Variants in LNX1 observed in about 807,000 individuals in gnomAD.
LNX1 encodes the protein ligand of numb-protein X 1, also known as E3 ubiquitin-protein ligase LNX.
A neutral mutation model predicts 68.4 loss-of-function variants in LNX1; 54 were observed. That is an observed-to-expected ratio of 0.79 (90% CI 0.63 to 0.99). LNX1 has a LOEUF of 0.99. Among genes scored for constraint, LNX1 ranks in the 50% least tolerant of loss-of-function variants. The pLI is 0.00. For missense variants in LNX1, 906 were observed against 926.4 expected, an observed-to-expected ratio of 0.98 and a Z score of 0.29; for synonymous variants, 336 against 350.0, an observed-to-expected ratio of 0.96 and a Z score of 0.45.
At chr4:53,651,491 C>A (rs1260996963) in intron 1 of LNX1, among the ~76,000 whole-genome samples, 1 of 152,232 alleles carries the variant, frequency 6.6e-6, no homozygotes, top group African/African-American at 2.4e-5. Context: ...CTATCTATTT[C>A]TGGATTTTCC....
At chr4:53,465,003 CA>C in intron 9 of LNX1, among the ~76,000 whole-genome samples, 1 of 152,158 alleles carries the variant, frequency 6.6e-6, no homozygotes, top group South Asian at 2.1e-4. Context: ...TGTGCAATAT[CA>C]AATTTATCAC....
chr4:53,466,917 G>A (rs1194969726), intron 9 of LNX1, among the ~76,000 whole-genome samples: 2 of 152,210 alleles, frequency 1.3e-5, no homozygotes, highest in African/African-American at 4.8e-5. Flanking sequence ...ATCTCTGGGG[G>A]CAGGGCACAG....
At position 53,581,697 on chromosome 4, in the gene LNX1, G is replaced by A. The variant is rs372666873; in HGVS notation, c.-86-7609C>T. ...CGCAAGAATAGCATGGGAAAAACCC[G>A]CCCCCATGATTCAATTACCTCCCCT... On this transcript the variant is annotated intron_variant, in intron 1 of 10. Transcript: ENST00000263925. Among the ~76,000 whole-genome samples the A allele has an allele frequency of 2.1e-3, 322 of 152,140 alleles. 8 individuals carry two copies. The South Asian group carries it at 0.063, about 30-fold the overall frequency.
intron 1 of LNX1, among the ~76,000 whole-genome samples, chr4:53,635,374 G>A (rs1043423384): frequency 1.3e-5 from 2 of 152,038 alleles, no homozygotes; most frequent in African/African-American, 2.4e-5. Flanking sequence ...TTTGAATTAG[G>A]GTTGTCTCAC....
chr4:53,478,641 T>A lies in LNX1; in HGVS notation c.1587A>T (p.Arg529Ser). ...GMTVAGGASH[R>S]EWDLPIYVIS... ...TGACATAGATAGGCAAATCCCATTC[T>A]CTATGTGATGCTCCCCCTGCGACGG... is the stretch of plus-strand genomic sequence containing the variant. The change falls in exon 8 of 11, where the codon AGA becomes AGT. Residue 529 changes from arginine (R) to serine (S), a missense_variant. Arg to Ser is a moderately radical substitution (Grantham distance 110). Coordinates refer to ENST00000263925, the MANE Select transcript of LNX1 (RefSeq NM_001126328.3). 6.2e-7 allele frequency: 1 copy of A among 1,614,144 alleles called. No individual in the cohort carries two copies. Among genetic ancestry groups the A allele is most frequent in the Non-Finnish European group, 8.5e-7 (1 of 1,180,000 alleles).
upstream of LNX1, among the ~76,000 whole-genome samples, chr4:53,620,168 A>G (rs1331298022): frequency 2.0e-5 from 3 of 152,150 alleles, no homozygotes; most frequent in Admixed American, 2.0e-4. Flanking sequence ...TGGGTGTTTT[A>G]TCTATCTGTC....
At chr4:53,474,039 A>G (rs922636486) in intron 9 of LNX1, among the ~76,000 whole-genome samples, 5 of 152,220 alleles carry the variant, frequency 3.3e-5, no homozygotes, top group African/African-American at 1.2e-4. Flanking sequence ...AATGCTACTT[A>G]GCAGTGATGC....
chr4:53,477,133 CAA>C, intron 8 of LNX1, 152 bp from the exon 9 acceptor site: 1 of 711,880 alleles, frequency 1.4e-6, no homozygotes, highest in South Asian at 1.5e-5. Context: ...GCTCACATAG[CAA>C]ATGGTAAACA....
chr4:53,548,338 C>T (rs1461674723), intron 2 of LNX1, among the ~76,000 whole-genome samples: 1 of 152,082 alleles, frequency 6.6e-6, no homozygotes, highest in African/African-American at 2.4e-5. Context: ...TCATAGAACT[C>T]TTAGGTATAT....
intron 2 of LNX1, among the ~76,000 whole-genome samples, chr4:53,555,015 C>G (rs1316380216): frequency 6.6e-6 from 1 of 151,918 alleles, no homozygotes; most frequent in African/African-American, 2.4e-5. Context: ...AAAGGAAAAT[C>G]CAGGAGGGTC....
At chr4:53,467,670 C>T (rs1396631425) in intron 9 of LNX1, among the ~76,000 whole-genome samples, 31 of 152,284 alleles carry the variant, frequency 2.0e-4, no homozygotes, top group Non-Finnish European at 3.1e-4. Context: ...CTGAAAACCA[C>T]GGCACGAGAA....
At chr4:53,649,098 A>G (rs1309648083) in intron 1 of LNX1, among the ~76,000 whole-genome samples, 1 of 152,210 alleles carries the variant, frequency 6.6e-6, no homozygotes, top group Non-Finnish European at 1.5e-5. Flanking sequence ...TGAATCCAAA[A>G]GGTTCTGATT....
chr4:53,583,972 A>AACAACAACG (rs1553941104), intron 1 of LNX1, among the ~76,000 whole-genome samples: 7 of 144,632 alleles, frequency 4.8e-5, no homozygotes, highest in Admixed American at 1.4e-4. Flanking sequence ...CAACAACAAC[A>AACAACAACG]ACGACAAATG....
chr4:53,551,608 G>GACAGCCCACTCCAAGGGAAGA (rs1729524723), intron 2 of LNX1, among the ~76,000 whole-genome samples: 1 of 152,156 alleles, frequency 6.6e-6, no homozygotes, highest in Admixed American at 6.5e-5. Context: ...TGTGGATGCG[G>GACAGCCCACTCCAAGGGAAGA]ACAGCCCACT....
chr4:53,543,112 C>T (rs1728874372), intron 2 of LNX1, among the ~76,000 whole-genome samples: 1 of 152,202 alleles, frequency 6.6e-6, no homozygotes, highest in Admixed American at 6.5e-5. Context: ...TCTCCTGCCT[C>T]AGCCTCCCGA....
chr4:53,643,137 C>G (rs938071705), intron 1 of LNX1, among the ~76,000 whole-genome samples: 12 of 152,068 alleles, frequency 7.9e-5, no homozygotes, highest in Admixed American at 4.6e-4. Context: ...ATTGTTGAGT[C>G]AAGAAATCTT....
chr4:53,614,894 A>C (rs1295413096), intron 2 of LNX1, among the ~76,000 whole-genome samples: 1 of 152,188 alleles, frequency 6.6e-6, no homozygotes, highest in Non-Finnish European at 1.5e-5. Context: ...CTGACCTCAG[A>C]ATCTGGCTCC....
At chr4:53,478,450 C>T in intron 8 of LNX1, 115 bp downstream of exon 8, 1 of 914,080 alleles carries the variant, frequency 1.1e-6, no homozygotes, top group South Asian at 2.0e-5. Context: ...AACAAAAGTC[C>T]TGGCCGATCA....
chr4:53,643,526 G>T (rs1160586025), intron 1 of LNX1, among the ~76,000 whole-genome samples: 1 of 152,040 alleles, frequency 6.6e-6, no homozygotes, highest in African/African-American at 2.4e-5. Flanking sequence ...CTGAGAAAGG[G>T]GTTCTTTGTT....
Sources: gnomAD v4.1 joint callset for allele counts (sites outside exome capture counted in the v4.1 genomes callset) on GRCh38, gnomAD v4.1.1 for gene constraint, MANE v1.5 for transcripts, NCBI Gene and HGNC (gene_info 2026-07-23, HGNC 2026-07-21) for gene names.